Variants in ZCWPW2 observed in about 807,000 individuals in gnomAD.
The protein encoded by ZCWPW2 is zinc finger CW-type PWWP domain protein 2.
ZCWPW2 carries 45 observed loss-of-function variants against 46.6 expected under a neutral mutation model. The observed-to-expected ratio is 0.96, with a 90% CI of 0.76 to 1.24. ZCWPW2 has a LOEUF of 1.24. Ranked by LOEUF, ZCWPW2 falls within the 50% of genes most tolerant of loss-of-function variation. The pLI, the probability that ZCWPW2 is intolerant of heterozygous loss-of-function variation, is 0.00. For synonymous variants in ZCWPW2, 152 were observed against 137.1 expected (o/e 1.11, Z -0.76); for missense variants, 429 against 403.9 (o/e 1.06, Z -0.53).
chr3:28,391,413 A>G (rs943897034), intron 2 of ZCWPW2, among the ~76,000 whole-genome samples: 1 of 151,926 alleles, frequency 6.6e-6, no homozygotes, highest in Non-Finnish European at 1.5e-5. Flanking sequence ...CCAATGAGAC[A>G]GCCACCCATG....
At chr3:28,413,618 A>G (rs1696499119) in intron 3 of ZCWPW2, among the ~76,000 whole-genome samples, 1 of 152,128 alleles carries the variant, frequency 6.6e-6, no homozygotes, top group Non-Finnish European at 1.5e-5. Flanking sequence ...ATAGGCAATT[A>G]AAGCTATAAA....
At chr3:28,469,601 CA>C (rs1371801872) in intron 4 of ZCWPW2, among the ~76,000 whole-genome samples, 1 of 151,350 alleles carries the variant, frequency 6.6e-6, no homozygotes, top group Non-Finnish European at 1.5e-5. Flanking sequence ...GGTTTCAAGA[CA>C]AAAACTGTAA....
At chr3:28,494,952 T>G (rs1234117523) in intron 6 of ZCWPW2, among the ~76,000 whole-genome samples, 6 of 151,244 alleles carry the variant, frequency 4.0e-5, no homozygotes, top group Non-Finnish European at 8.8e-5. Context: ...TGGAAGAACA[T>G]TCCATGCTCA....
intron 3 of ZCWPW2, among the ~76,000 whole-genome samples, chr3:28,413,691 C>CATTTTGAA (rs1696504730): frequency 1.3e-5 from 2 of 152,056 alleles, no homozygotes; most frequent in Admixed American, 1.3e-4. Context: ...TTTTATTATT[C>CATTTTGAA]ATTTTGAAAT....
intron 8 of ZCWPW2, among the ~76,000 whole-genome samples, chr3:28,519,538 T>A (rs1051109615): frequency 2.0e-5 from 3 of 152,364 alleles, no homozygotes; most frequent in Admixed American, 6.5e-5. Flanking sequence ...TAACATTATT[T>A]AATAAGTACT....
chr3:28,409,303 A>G (rs1292844699), intron 2 of ZCWPW2, among the ~76,000 whole-genome samples: 2 of 151,702 alleles, frequency 1.3e-5, no homozygotes, highest in African/African-American at 4.8e-5. Flanking sequence ...TATTTTCAGT[A>G]GAGGCTGGGT....
intron 1 of ZCWPW2, among the ~76,000 whole-genome samples, chr3:28,360,191 A>G (rs1415641216): frequency 6.6e-6 from 1 of 151,878 alleles, no homozygotes; most frequent in African/African-American, 2.4e-5. Flanking sequence ...CAGGAAGAAA[A>G]GTATTACTTC....
At chr3:28,471,235 A>G (rs950840570) in intron 4 of ZCWPW2, among the ~76,000 whole-genome samples, 5 of 152,208 alleles carry the variant, frequency 3.3e-5, no homozygotes, top group Non-Finnish European at 7.4e-5. Context: ...AGTGGAGGGA[A>G]TACTTTCAAA....
At chr3:28,442,487 G>A (rs541801189) in intron 4 of ZCWPW2, among the ~76,000 whole-genome samples, 2 of 152,314 alleles carry the variant, frequency 1.3e-5, no homozygotes, top group Admixed American at 6.5e-5. Flanking sequence ...GAAGTGAAAA[G>A]CGATCAAGGT....
At chr3:28,487,677 G>A (rs1274656582) in intron 5 of ZCWPW2, among the ~76,000 whole-genome samples, 1 of 152,006 alleles carries the variant, frequency 6.6e-6, no homozygotes, top group Admixed American at 6.6e-5. Flanking sequence ...AATTTTTATT[G>A]AAAGGTGGGC....
chr3:28,432,498 A>G (rs1697302985), intron 3 of ZCWPW2, among the ~76,000 whole-genome samples: 1 of 152,142 alleles, frequency 6.6e-6, no homozygotes, highest in African/African-American at 2.4e-5. Context: ...TCTACTGTAC[A>G]TTCCTTAATC....
At chr3:28,434,885 C>G (rs534613961) in intron 3 of ZCWPW2, among the ~76,000 whole-genome samples, 3 of 152,022 alleles carry the variant, frequency 2.0e-5, no homozygotes, top group Non-Finnish European at 4.4e-5. Flanking sequence ...CATGTCTTAT[C>G]TATATCTTAA....
At chr3:28,447,450 C>T (rs991934447) in intron 4 of ZCWPW2, among the ~76,000 whole-genome samples, 3 of 151,548 alleles carry the variant, frequency 2.0e-5, no homozygotes, top group African/African-American at 4.8e-5. Flanking sequence ...GATGCAACAA[C>T]CTTTCATGAT....
intron 2 of ZCWPW2, among the ~76,000 whole-genome samples, chr3:28,391,698 C>T (rs1695499531): frequency 6.6e-6 from 1 of 152,134 alleles, no homozygotes; most frequent in South Asian, 2.1e-4. Flanking sequence ...TAATGCTCTG[C>T]TCCACAGAGG....
chr3:28,435,687 C>T (rs1233659704), intron 4 of ZCWPW2, among the ~76,000 whole-genome samples: 1 of 151,810 alleles, frequency 6.6e-6, no homozygotes, highest in African/African-American at 2.4e-5. Context: ...GGGGTTTCAC[C>T]GTGTTTGGCA....
At chr3:28,511,740 T>C (rs1375323673) in intron 6 of ZCWPW2, among the ~76,000 whole-genome samples, 2 of 152,124 alleles carry the variant, frequency 1.3e-5, no homozygotes, top group Non-Finnish European at 2.9e-5. Flanking sequence ...CCATTACCAA[T>C]TTGTCTTTTT....
chr3:28,430,248 C>T (rs1025915806), intron 3 of ZCWPW2, among the ~76,000 whole-genome samples: 2 of 152,314 alleles, frequency 1.3e-5, no homozygotes, highest in African/African-American at 2.4e-5. Flanking sequence ...CTTGCATCAG[C>T]GTGACCTGGA....
intron 4 of ZCWPW2, among the ~76,000 whole-genome samples, chr3:28,450,299 A>T (rs1253707484): frequency 1.3e-5 from 2 of 152,128 alleles, no homozygotes; most frequent in Non-Finnish European, 2.9e-5. Context: ...CCTGGACTGG[A>T]AATTATGCTC....
chr3:28,497,649 G>A (rs1039573546), intron 6 of ZCWPW2, among the ~76,000 whole-genome samples: 6 of 152,202 alleles, frequency 3.9e-5, no homozygotes, highest in Admixed American at 1.3e-4. Flanking sequence ...AAAGTTATGC[G>A]TTGGCCTGTG....
Sources: allele counts gnomAD v4.1 joint callset (sites outside exome capture counted in the v4.1 genomes callset), GRCh38; gene constraint gnomAD v4.1.1; transcripts MANE v1.5; gene names NCBI Gene and HGNC (gene_info 2026-07-23, HGNC 2026-07-21).